The following PTCHD4 variants were observed in gnomAD, a reference collection of about 807,000 sequenced individuals.
PTCHD4 encodes the protein patched domain containing 4, also known as patched domain-containing protein 4.
Under a neutral mutation model 58.1 loss-of-function variants are expected in PTCHD4, and 33 were observed. That is an observed-to-expected ratio of 0.57 (90% CI 0.43 to 0.76). The LOEUF (loss-of-function observed/expected upper bound fraction) is 0.76. Ranked by LOEUF, PTCHD4 falls within the 30% of genes least tolerant of loss-of-function variation. The pLI is 0.00. For synonymous variants in PTCHD4, 478 were observed against 409.6 expected (o/e 1.17, Z -2.02); for missense variants, 1,058 against 1,027.1 (o/e 1.03, Z -0.41).
Position 47,878,718 on chromosome 6 carries a change from T to C in PTCHD4, c.2117A>G (p.Asp706Gly). ...GCACAAGATAGAAATGCAATCCATGTCGACGTTCCATAATGTCATTAAGCC... is the reference window on the plus strand; with the variant it reads ...GCACAAGATAGAAATGCAATCCATGCCGACGTTCCATAATGTCATTAAGCC... ...VLGLMTLWNV[D>G]MDCISILCLI... is the part of the protein sequence containing the mutation. The change falls in exon 5 of 5, where the codon GAC becomes GGC. Residue 706 changes from aspartate (D) to glycine (G), a missense_variant. Asp to Gly is a moderately conservative substitution (Grantham distance 94). Coordinates refer to ENST00000339488, the MANE Select transcript of PTCHD4 (RefSeq NM_001384253.1). 6.2e-7 allele frequency: 1 copy of C among 1,613,590 alleles called. No homozygotes were observed. Among genetic ancestry groups the C allele is most frequent in the East Asian group, 2.2e-5 (1 of 44,826 alleles).
chr6:48,057,885 A>G (rs769360813), intron 3 of PTCHD4, among the ~76,000 whole-genome samples: 32 of 152,244 alleles, frequency 2.1e-4, no homozygotes, highest in Non-Finnish European at 3.4e-4. Context: ...AGAGATTCAC[A>G]TGATCTTGTA....
rs1399340125 is a variant in PTCHD4, at chr6:48,069,311, G to T, written c.-354C>A. On this transcript the variant is annotated 5_prime_UTR_variant, in exon 2 of 5. Transcript: ENST00000339488. The stretch of plus-strand genomic sequence containing the variant: ...ATTGAAGAGGAAATAAATGGTGAAG[G>T]TGCTGCTGGCCCATTGGAGCAAGGG... Among the ~76,000 whole-genome samples the T allele has an allele frequency of 6.6e-6, 1 of 152,110 alleles. No homozygotes were observed. Among genetic ancestry groups the T allele is most frequent in the Non-Finnish European group, 1.5e-5 (1 of 68,004 alleles).
chr6:47,964,001 C>A (rs1487150704), intron 4 of PTCHD4, among the ~76,000 whole-genome samples: 1 of 151,830 alleles, frequency 6.6e-6, no homozygotes, highest in Non-Finnish European at 1.5e-5. Flanking sequence ...TTTATGCCAA[C>A]GTGCTGTTGC....
At chr6:47,900,730 T>C (rs973735061) in intron 4 of PTCHD4, 1 of 152,242 alleles carries the variant, frequency 6.6e-6, no homozygotes, top group Non-Finnish European at 1.5e-5. Flanking sequence ...TGTCATAAAA[T>C]GTTGTTAGAG....
At chr6:47,915,030 C>T (rs796249764) in intron 4 of PTCHD4, among the ~76,000 whole-genome samples, 32 of 152,110 alleles carry the variant, frequency 2.1e-4, no homozygotes, top group African/African-American at 7.5e-4. Context: ...CAAATTTGGG[C>T]CAATAAAATA....
intron 4 of PTCHD4, among the ~76,000 whole-genome samples, chr6:47,987,779 A>ATT (rs111389891): frequency 4.2e-5 from 6 of 142,658 alleles, no homozygotes; most frequent in South Asian, 2.3e-4. Flanking sequence ...GTCACATAAC[A>ATT]TTTTTTTTTT....
At chr6:47,939,147 T>C (rs1006542216) in intron 4 of PTCHD4, among the ~76,000 whole-genome samples, 3 of 152,172 alleles carry the variant, frequency 2.0e-5, no homozygotes, top group Non-Finnish European at 2.9e-5. Context: ...GGACAAGTTC[T>C]TTGGAGAAAA....
rs1763396264 is a variant in PTCHD4 at position 47,860,385 on chromosome 6, T to C, written c.*17918A>G. Among the ~76,000 whole-genome samples the C allele has an allele frequency of 6.6e-6, 1 of 151,960 alleles. No individual in the cohort carries two copies. Among genetic ancestry groups the C allele is most frequent in the Non-Finnish European group, 1.5e-5 (1 of 67,940 alleles). The stretch of plus-strand genomic sequence containing the variant: ...ATATGACTCTAAAAACAAATTCAGG[T>C]ATTTTGAGAATATAGCCATGAAAAC... On this transcript the variant is annotated 3_prime_UTR_variant, in exon 5 of 5. Coordinates refer to ENST00000339488, the MANE Select transcript of PTCHD4 (RefSeq NM_001384253.1).
rs56379805 is a variant in PTCHD4, at chr6:47,875,748, A to G, written c.*2555T>C. Among the ~76,000 whole-genome samples the G allele has an allele frequency of 0.082, 12,374 of 151,828 alleles. 630 individuals are homozygous for G. Among genetic ancestry groups the G allele is most frequent in the Non-Finnish European group, 0.11 (7,682 of 67,836 alleles). ...ACATAATATTAGATCTGCCCTGGTC[A>G]TTTGGCAGTGTATACCATTTCCTCC... On this transcript the variant is annotated 3_prime_UTR_variant, in exon 5 of 5. Transcript: ENST00000339488.
Position 47,978,246 on chromosome 6 carries a change from C to A in PTCHD4, c.898+30388G>T, listed in dbSNP as rs569597188. On this transcript the variant is annotated intron_variant, in intron 4 of 4. Coordinates refer to ENST00000339488, the MANE Select transcript of PTCHD4 (RefSeq NM_001384253.1). ...GATTTAGTGTCCTTCTGATTCTTTCCATTTCTCCTAATATTAGTCCAACAC... is the reference window on the plus strand; with the variant it reads ...GATTTAGTGTCCTTCTGATTCTTTCAATTTCTCCTAATATTAGTCCAACAC... Among the ~76,000 whole-genome samples the A allele has an allele frequency of 1.6e-4, 25 of 151,938 alleles. No individual in the cohort carries two copies. The South Asian group carries it at 3.7e-3, about 23-fold the overall frequency.
chr6:47,905,551 A>C (rs991754536), intron 4 of PTCHD4, among the ~76,000 whole-genome samples: 4 of 152,254 alleles, frequency 2.6e-5, no homozygotes, highest in African/African-American at 9.6e-5. Flanking sequence ...AGTAATTGTT[A>C]CATGTAGCCT....
intron 3 of PTCHD4, 28 bp from the exon 4 acceptor site, chr6:48,009,142 A>C: frequency 6.4e-7 from 1 of 1,569,598 alleles, no homozygotes; most frequent in Non-Finnish European, 8.6e-7. Context: ...AAGAGACTTC[A>C]GTTACGGATG....
At chr6:47,890,830 C>T in intron 4 of PTCHD4, 1 of 918,334 alleles carries the variant, frequency 1.1e-6, no homozygotes, top group Non-Finnish European at 1.3e-6. Flanking sequence ...TGCTTTCCTG[C>T]TCTCTCTCTT....
intron 3 of PTCHD4, among the ~76,000 whole-genome samples, chr6:48,063,473 G>C (rs1471505086): frequency 6.6e-6 from 1 of 152,146 alleles, no homozygotes; most frequent in Admixed American, 6.5e-5. Context: ...GAATGATGGA[G>C]GATGTCATGG....
Position 47,869,274 on chromosome 6 carries a change from C to T in PTCHD4, c.*9029G>A, listed in dbSNP as rs1054552915. Among the ~76,000 whole-genome samples the T allele has an allele frequency of 2.0e-5, 3 of 151,626 alleles. No homozygotes were observed. Among genetic ancestry groups the T allele is most frequent in the African/African-American group, 4.8e-5 (2 of 41,308 alleles). ...TATGCCCCAGCTTGAAACTGTATAG[C>T]GTGCAGCCAAAGGGATGTGCTTTGT... is the stretch of plus-strand genomic sequence containing the variant. On this transcript the variant is annotated 3_prime_UTR_variant, in exon 5 of 5. Coordinates refer to ENST00000339488, the MANE Select transcript of PTCHD4 (RefSeq NM_001384253.1).
intron 1 of PTCHD4, among the ~76,000 whole-genome samples, chr6:48,089,166 A>G (rs9473231): frequency 0.19 from 28,793 of 152,142 alleles, 3,101 homozygotes; most frequent in African/African-American, 0.29. Context: ...CAGCAAGGGC[A>G]GAAATTTCCA....
At chr6:48,001,952 T>C (rs930806775) in intron 4 of PTCHD4, among the ~76,000 whole-genome samples, 5 of 152,292 alleles carry the variant, frequency 3.3e-5, no homozygotes, top group African/African-American at 1.2e-4. Context: ...GGGTGAAGGA[T>C]ATGAACAGAC....
intron 4 of PTCHD4, among the ~76,000 whole-genome samples, chr6:47,993,553 A>G (rs1204006522): frequency 6.6e-6 from 1 of 152,188 alleles, no homozygotes; most frequent in Admixed American, 6.5e-5. Flanking sequence ...CAGGCAGAAT[A>G]TGGCAGCAGA....
At chr6:47,950,462 G>T (rs1449519667) in intron 4 of PTCHD4, among the ~76,000 whole-genome samples, 4 of 152,106 alleles carry the variant, frequency 2.6e-5, no homozygotes, top group Non-Finnish European at 4.4e-5. Flanking sequence ...AGATGAAAAG[G>T]TTACATAGAT....
Sources: allele counts gnomAD v4.1 joint callset (sites outside exome capture counted in the v4.1 genomes callset), GRCh38; gene constraint gnomAD v4.1.1; transcripts MANE v1.5; gene names NCBI Gene and HGNC (gene_info 2026-07-23, HGNC 2026-07-21).